CCDC141: variants seen among roughly 807,000 people sequenced by gnomAD.
The protein encoded by CCDC141 is coiled-coil domain-containing protein 141.
In CCDC141, 168 loss-of-function variants were observed where a neutral mutation model predicts 181.0. The ratio of observed to expected loss-of-function variants is 0.93; its 90% confidence interval spans 0.82 to 1.05. CCDC141 has a LOEUF of 1.05. Among genes scored for constraint, CCDC141 ranks in the 50% least tolerant of loss-of-function variants. CCDC141 has a pLI of 0.00. For synonymous variants in CCDC141, 666 were observed against 642.3 expected (o/e 1.04, Z -0.56); for missense variants, 1,902 against 1,788.5 (o/e 1.06, Z -1.14).
At chr2:178,960,038 T>G (rs939828399) in intron 5 of CCDC141, among the ~76,000 whole-genome samples, 1 of 152,340 alleles carries the variant, frequency 6.6e-6, no homozygotes, top group Admixed American at 6.5e-5. Context: ...TTTTGGTTTC[T>G]CACAACTGGG....
intron 8 of CCDC141, among the ~76,000 whole-genome samples, chr2:178,898,708 T>A (rs1003357659): frequency 4.6e-5 from 7 of 152,172 alleles, no homozygotes; most frequent in African/African-American, 7.2e-5. Context: ...GTAAGTCTGT[T>A]CCTAATAAAG....
intron 12 of CCDC141, 61 bp from the exon 13 acceptor site, chr2:178,872,373 T>C: frequency 4.2e-6 from 6 of 1,425,120 alleles, no homozygotes; most frequent in South Asian, 4.0e-5. Context: ...CTTTTTGTTG[T>C]ATATAACTAT....
At chr2:178,989,068 A>T (rs570606181) in intron 2 of CCDC141, among the ~76,000 whole-genome samples, 55 of 152,356 alleles carry the variant, frequency 3.6e-4, no homozygotes, top group African/African-American at 1.3e-3. Context: ...TTTTGTAAGT[A>T]AATTTTCATC....
chr2:178,991,060 G>T (rs1384704331), intron 2 of CCDC141, among the ~76,000 whole-genome samples: 1 of 152,138 alleles, frequency 6.6e-6, no homozygotes, highest in East Asian at 1.9e-4. Context: ...ACCAGTTTTA[G>T]CTATTGGCTA....
At chr2:179,044,970 T>TC (rs1204751385) in intron 2 of CCDC141, among the ~76,000 whole-genome samples, 3 of 79,838 alleles carry the variant, frequency 3.8e-5, no homozygotes, top group Admixed American at 1.2e-4. Flanking sequence ...ATGGGGTTTT[T>TC]CTTTTTTTTT....
chr2:179,047,868 T>C (rs1159108693), intron 1 of CCDC141, among the ~76,000 whole-genome samples: 1 of 152,228 alleles, frequency 6.6e-6, no homozygotes, highest in Non-Finnish European at 1.5e-5. Flanking sequence ...GATTAGTGTC[T>C]TTACATTGGC....
intron 4 of CCDC141, among the ~76,000 whole-genome samples, chr2:178,970,273 T>C (rs574813439): frequency 1.1e-4 from 16 of 152,190 alleles, no homozygotes; most frequent in Non-Finnish European, 2.1e-4. Context: ...AAAACTACTT[T>C]AAAGTTCATA....
intron 2 of CCDC141, among the ~76,000 whole-genome samples, chr2:179,009,272 A>G (rs1005475751): frequency 6.6e-6 from 1 of 152,112 alleles, no homozygotes; most frequent in East Asian, 1.9e-4. Context: ...ATTTGTTTAA[A>G]TGTCCAACTT....
chr2:179,004,248 A>C (rs1299927383), intron 2 of CCDC141, among the ~76,000 whole-genome samples: 2 of 152,192 alleles, frequency 1.3e-5, no homozygotes, highest in Non-Finnish European at 2.9e-5. Flanking sequence ...CTCTCTATGC[A>C]TCCTTGGGTC....
rs113984386 is a variant in CCDC141, at chr2:179,032,929, C to T, written c.225+14355G>A. 3.4e-3 allele frequency among the ~76,000 whole-genome samples: 520 copies of T among 151,056 alleles called. 1 individual carries two copies. Among genetic ancestry groups the T allele is most frequent in the South Asian group, 0.016 (79 of 4,810 alleles). ...CTAGATGAACTTGTCATGAGAATGA[C>T]ATAGCCATGCCACTTGAAATCTCTA... On this transcript the variant is annotated intron_variant, in intron 2 of 23. Transcript: ENST00000443758.
In CCDC141 at chr2:178,975,166, C is replaced by G. The variant is rs1013453289; in HGVS notation, c.418-1G>C. On this transcript the variant is annotated splice_acceptor_variant, in intron 3 of 23. Transcript: ENST00000443758. LOFTEE classifies it high-confidence loss of function. ...CAGCTTGGTCTATTTTAATAGCAAA[C>G]TACAATAGAAATACAGAGGAAAGAC... 62 of 1,401,990 alleles carry G rather than the reference C, an allele frequency of 4.4e-5. No homozygotes were observed. The highest frequency in any genetic ancestry group is 5.7e-5 in the Non-Finnish European group (59 of 1,026,790). 86.8% of individuals were successfully genotyped at this position (1,401,990 alleles called of 1,614,324 possible).
At position 178,833,997 on chromosome 2, in the gene CCDC141, T is replaced by C; in HGVS notation, c.*176A>G. ...AATTTACCAAGCTTCTCAAATATAT[T>C]AAACGCTCCAGAAAATTTGATTATT... On this transcript the variant is annotated 3_prime_UTR_variant, in exon 24 of 24. Transcript: ENST00000443758. The C allele has an allele frequency of 4.7e-6, 3 of 643,866 alleles. No homozygotes were observed. Among genetic ancestry groups the C allele is most frequent in the Non-Finnish European group, 7.8e-6 (3 of 383,540 alleles). The allele number at this position is 643,866 out of a possible 1,614,324, so 39.9% of individuals were successfully genotyped here.
At chr2:178,896,281 T>C (rs1281096239) in intron 8 of CCDC141, among the ~76,000 whole-genome samples, 8 of 152,158 alleles carry the variant, frequency 5.3e-5, no homozygotes, top group Non-Finnish European at 8.8e-5. Flanking sequence ...TCTCAGACTT[T>C]CGGATTGTGT....
intron 6 of CCDC141, among the ~76,000 whole-genome samples, chr2:178,927,193 T>G (rs1688940038): frequency 6.6e-6 from 1 of 152,182 alleles, no homozygotes; most frequent in Non-Finnish European, 1.5e-5. Flanking sequence ...ACTAAGTATA[T>G]GCACAGGACT....
At chr2:179,025,813 C>G (rs2042827451) in intron 2 of CCDC141, among the ~76,000 whole-genome samples, 1 of 152,138 alleles carries the variant, frequency 6.6e-6, no homozygotes, top group African/African-American at 2.4e-5. Flanking sequence ...CAAAATGCCA[C>G]AGTGATATGG....
At chr2:178,941,653 C>T (rs1689516413) in intron 6 of CCDC141, among the ~76,000 whole-genome samples, 1 of 151,710 alleles carries the variant, frequency 6.6e-6, no homozygotes, top group Admixed American at 6.6e-5. Flanking sequence ...ACGAACCTCC[C>T]CCTTTAGAAA....
At chr2:178,899,316 G>A (rs1687569248) in intron 8 of CCDC141, among the ~76,000 whole-genome samples, 1 of 152,098 alleles carries the variant, frequency 6.6e-6, no homozygotes, top group African/African-American at 2.4e-5. Context: ...CATGACAGCA[G>A]AATCACCTAA....
intron 2 of CCDC141, among the ~76,000 whole-genome samples, chr2:179,014,736 G>C (rs2042376769): frequency 6.6e-6 from 1 of 151,954 alleles, no homozygotes; most frequent in Non-Finnish European, 1.5e-5. Flanking sequence ...CCTTACTCCT[G>C]CAAGAATGGC....
intron 2 of CCDC141, among the ~76,000 whole-genome samples, chr2:179,019,333 A>G (rs1465043206): frequency 6.6e-6 from 1 of 152,190 alleles, no homozygotes; most frequent in Non-Finnish European, 1.5e-5. Context: ...AAAAAAAAAG[A>G]AGACTCCCAT....
Sources: gnomAD v4.1 joint callset for allele counts (sites outside exome capture counted in the v4.1 genomes callset) on GRCh38, gnomAD v4.1.1 for gene constraint, MANE v1.5 for transcripts, NCBI Gene and HGNC (gene_info 2026-07-23, HGNC 2026-07-21) for gene names.